The following DTNB variants were observed in gnomAD, a reference collection of about 807,000 sequenced individuals.
DTNB encodes dystrobrevin beta.
Under a neutral mutation model 90.7 loss-of-function variants are expected in DTNB, and 63 were observed. The ratio of observed to expected loss-of-function variants is 0.69; its 90% CI spans 0.57 to 0.86. The LOEUF is 0.86. Among genes scored for constraint, DTNB ranks in the 40% least tolerant of loss-of-function variants. DTNB has a pLI of 0.00. For synonymous variants in DTNB, 277 were observed against 286.7 expected, an observed-to-expected ratio of 0.97 and a Z score of 0.34; for missense variants, 744 against 807.1, an observed-to-expected ratio of 0.92 and a Z score of 0.95.
intron 9 of DTNB, among the ~76,000 whole-genome samples, chr2:25,517,956 G>A (rs1386763857): frequency 3.3e-5 from 5 of 152,114 alleles, no homozygotes; most frequent in African/African-American, 1.2e-4. Flanking sequence ...AGTGAAATAA[G>A]CCAGTCACAA....
chr2:25,604,516 C>T (rs2066649208), intron 5 of DTNB, among the ~76,000 whole-genome samples: 1 of 152,148 alleles, frequency 6.6e-6, no homozygotes, highest in Admixed American at 6.6e-5. Context: ...AAGTGATCCT[C>T]CTGGCTCAGC....
At chr2:25,377,623 A>T (rs953906305) in intron 20 of DTNB, 70 bp from the exon 21 acceptor site, 1 of 152,514 alleles carries the variant, frequency 6.6e-6, no homozygotes, top group African/African-American at 2.4e-5. Context: ...GCTAACATCT[A>T]CTGTGAACAG....
intron 9 of DTNB, among the ~76,000 whole-genome samples, chr2:25,510,340 T>C (rs1575228430): frequency 6.6e-6 from 1 of 152,158 alleles, no homozygotes; most frequent in South Asian, 2.1e-4. Flanking sequence ...TTTAAAAAAA[T>C]ATTTACTTTA....
At chr2:25,518,744 C>T (rs908535314) in intron 9 of DTNB, among the ~76,000 whole-genome samples, 3 of 152,056 alleles carry the variant, frequency 2.0e-5, no homozygotes, top group Admixed American at 6.5e-5. Flanking sequence ...TAGTAAGCAA[C>T]CTTAAGCTCA....
At chr2:25,598,219 T>C (rs1013897167) in intron 5 of DTNB, among the ~76,000 whole-genome samples, 1 of 152,128 alleles carries the variant, frequency 6.6e-6, no homozygotes, top group Non-Finnish European at 1.5e-5. Flanking sequence ...TTCTTCTACC[T>C]GGAGTGCAGC....
At chr2:25,463,045 A>C (rs755502920) in intron 10 of DTNB, among the ~76,000 whole-genome samples, 5 of 152,176 alleles carry the variant, frequency 3.3e-5, no homozygotes, top group African/African-American at 1.2e-4. Flanking sequence ...GGTAACACTC[A>C]TGATTTTACA....
chr2:25,387,519 C>T lies in DTNB; in HGVS notation c.1736-141G>A. The T allele has an allele frequency of 1.4e-6, 1 of 698,244 alleles. No individual in the cohort carries two copies. Among genetic ancestry groups the T allele is most frequent in the Admixed American group, 2.6e-5 (1 of 38,554 alleles). 43.3% of individuals were successfully genotyped at this position (698,244 alleles called of 1,614,324 possible). On this transcript the variant is annotated intron_variant, in intron 17 of 20. Coordinates refer to ENST00000406818, the MANE Select transcript of DTNB (RefSeq NM_021907.5). This position sits in a 1 kb window ranked among gnomAD's most constrained non-coding sequence, Gnocchi z 4.5. ...GGAGATGGGGCCACAGCAGCTCCAC[C>T]CATTCCCAGGCACACCGGGGGCAGG... is the stretch of plus-strand genomic sequence containing the variant.
At chr2:25,496,591 C>T (rs1365143078) in intron 9 of DTNB, among the ~76,000 whole-genome samples, 2 of 152,210 alleles carry the variant, frequency 1.3e-5, no homozygotes, top group African/African-American at 4.8e-5. Flanking sequence ...CACCTGTAAT[C>T]TCAGCACTTT....
intron 16 of DTNB, among the ~76,000 whole-genome samples, chr2:25,409,522 G>A (rs1474743531): frequency 6.6e-6 from 1 of 152,230 alleles, no homozygotes; most frequent in Non-Finnish European, 1.5e-5. Context: ...TTACATCTTT[G>A]TTCAGTGGAG....
Position 25,482,806 on chromosome 2 carries a change from G to A in DTNB, c.1069C>T (p.Pro357Ser). 6.2e-7 allele frequency: 1 copy of A among 1,613,666 alleles called. No homozygotes were observed. The highest frequency in any genetic ancestry group is 2.2e-5 in the East Asian group (1 of 44,864). ...ACAAGACATACGTACCTCTTGGTGG[G>A]AGTGGGCACTCCAGAGGACATGTGG... ...VSHMSSGVPT[P>S]TKRLQYSQDI... The change falls in exon 10 of 21, where the codon CCC becomes TCC. Residue 357 changes from proline (P) to serine (S), a missense_variant. Pro to Ser is a moderately conservative substitution (Grantham distance 74). Coordinates refer to ENST00000406818, the MANE Select transcript of DTNB (RefSeq NM_021907.5).
chr2:25,511,838 A>G (rs1290348800), intron 9 of DTNB, among the ~76,000 whole-genome samples: 2 of 152,224 alleles, frequency 1.3e-5, no homozygotes, highest in African/African-American at 4.8e-5. Context: ...TAAACTGGAC[A>G]CAGGAAATGA....
At chr2:25,633,427 A>G (rs976086243) in intron 3 of DTNB, among the ~76,000 whole-genome samples, 36 of 152,042 alleles carry the variant, frequency 2.4e-4, no homozygotes, top group Non-Finnish European at 2.9e-4. Flanking sequence ...CGGCCTCTCG[A>G]GGTGCCGGGA....
At chr2:25,412,386 A>G (rs111889728) in intron 16 of DTNB, among the ~76,000 whole-genome samples, 3 of 152,320 alleles carry the variant, frequency 2.0e-5, no homozygotes, top group African/African-American at 7.2e-5. Flanking sequence ...AGTGTGGCAA[A>G]GTTCTCTTGG....
chr2:25,469,300 G>A (rs1574856565), intron 10 of DTNB, among the ~76,000 whole-genome samples: 1 of 152,122 alleles, frequency 6.6e-6, no homozygotes, highest in Non-Finnish European at 1.5e-5. Context: ...AAGGGTATGT[G>A]CAAAAGTGCA....
intron 6 of DTNB, among the ~76,000 whole-genome samples, chr2:25,591,454 TAAATAAC>T (rs1432859055): frequency 1.3e-5 from 2 of 152,346 alleles, no homozygotes; most frequent in East Asian, 3.9e-4. Context: ...GAAGACCTAA[TAAATAAC>T]AAATAGCATC....
In DTNB at chr2:25,377,308, CCT is replaced by C. The variant is rs2036072507; in HGVS notation, c.*273_*274del. On this transcript the variant is annotated 3_prime_UTR_variant, in exon 21 of 21. Transcript: ENST00000406818. ...TCCTGATGCGGAGATGAGACCATGC[CCT>C]GAGGGGAGTGATGAAGGTGCTAGTA... 6.5e-6 allele frequency: 1 copy of C among 152,934 alleles called. No individual in the cohort carries two copies. The highest frequency in any genetic ancestry group is 1.5e-5 in the Non-Finnish European group (1 of 68,190). 9.5% of individuals were successfully genotyped at this position (152,934 alleles called of 1,614,324 possible).
intron 16 of DTNB, among the ~76,000 whole-genome samples, chr2:25,389,374 T>C (rs1052831251): frequency 6.6e-6 from 1 of 152,216 alleles, no homozygotes. Flanking sequence ...TCATGCCACA[T>C]GCACTGCACA....
chr2:25,576,242 T>TTTTTC (rs1553551298), intron 8 of DTNB, among the ~76,000 whole-genome samples: 9 of 146,166 alleles, frequency 6.2e-5, no homozygotes, highest in African/African-American at 2.1e-4. Flanking sequence ...TTTTTTTTTT[T>TTTTTC]TGAGACAGAG....
At chr2:25,634,684 G>C (rs1356978134) in intron 3 of DTNB, among the ~76,000 whole-genome samples, 1 of 115,936 alleles carries the variant, frequency 8.6e-6, no homozygotes, top group Non-Finnish European at 2.0e-5. Flanking sequence ...AGGTAGACAT[G>C]GGAGACTTCT....
Sources: allele counts gnomAD v4.1 joint callset (sites outside exome capture counted in the v4.1 genomes callset), GRCh38; gene constraint gnomAD v4.1.1; non-coding constraint Gnocchi (gnomAD v3.1); transcripts MANE v1.5; gene names NCBI Gene and HGNC (gene_info 2026-07-23, HGNC 2026-07-21).